SVOPL: variants seen among roughly 807,000 people sequenced by gnomAD.
SVOPL encodes SVOP like.
In SVOPL, 60 loss-of-function variants were observed where a neutral mutation model predicts 61.0. The observed-to-expected ratio is 0.98, with a 90% CI of 0.80 to 1.22. The LOEUF (loss-of-function observed/expected upper bound fraction) is 1.22, where lower values mean the gene tolerates loss of function less well. Among genes scored for constraint, SVOPL ranks in the 50% most tolerant of loss-of-function variants. The pLI is 0.00. For missense variants in SVOPL, 662 were observed against 643.9 expected, an observed-to-expected ratio of 1.03 and a Z score of -0.30; for synonymous variants, 279 against 250.0, an observed-to-expected ratio of 1.12 and a Z score of -1.09.
rs1359588799 is a variant in SVOPL, at chr7:138,659,730, T to G, written c.470+134A>C. 5 of 950,124 alleles carry G rather than the reference T, an allele frequency of 5.3e-6. No homozygotes were observed. In the East Asian group the frequency reaches 1.4e-4, roughly 26 times the overall value. 58.9% of individuals were successfully genotyped at this position (950,124 alleles called of 1,614,324 possible). A position where few individuals can be genotyped will look rare whatever the true frequency, so the allele number is the denominator to read the frequency against. ...TCCTTAACTTTGGCAAAAATAAACT[T>G]TCTAAATGGACTGAAACCTGTCTCA... On this transcript the variant is annotated intron_variant, in intron 6 of 15. Coordinates refer to ENST00000674285, the MANE Select transcript of SVOPL (RefSeq NM_001139456.2).
intron 4 of SVOPL, among the ~76,000 whole-genome samples, chr7:138,670,106 ACAGT>A (rs1563132145): frequency 2.6e-5 from 4 of 152,194 alleles, no homozygotes; most frequent in Admixed American, 6.5e-5. Flanking sequence ...AAAAATTATG[ACAGT>A]GAAAGAGATC....
chr7:138,691,581 C>A (rs1385554070), intron 1 of SVOPL, among the ~76,000 whole-genome samples: 1 of 152,162 alleles, frequency 6.6e-6, no homozygotes, highest in East Asian at 1.9e-4. Context: ...GCTCTTGTCA[C>A]CCAGGCTGGA....
intron 14 of SVOPL, among the ~76,000 whole-genome samples, chr7:138,608,697 C>A (rs566514761): frequency 1.3e-5 from 2 of 152,112 alleles, no homozygotes; most frequent in East Asian, 1.9e-4. Context: ...CACTCCCCCC[C>A]CTTGCCCTCT....
At chr7:138,626,432 A>C (rs952272887) in intron 12 of SVOPL, among the ~76,000 whole-genome samples, 2 of 152,088 alleles carry the variant, frequency 1.3e-5, no homozygotes, top group Non-Finnish European at 2.9e-5. Context: ...TGGCTCTGTT[A>C]CCCAGCCTTG....
intron 3 of SVOPL, among the ~76,000 whole-genome samples, chr7:138,675,155 C>A (rs1297642028): frequency 6.6e-6 from 1 of 151,480 alleles, no homozygotes; most frequent in Non-Finnish European, 1.5e-5. Flanking sequence ...AATCCCAGCA[C>A]TTTGGGAGGC....
At chr7:138,689,450 T>A in intron 1 of SVOPL, 1 of 1,117,066 alleles carries the variant, frequency 9.0e-7, no homozygotes, top group South Asian at 1.2e-5. Flanking sequence ...AACAGATTGT[T>A]CCTAAACCAG....
intron 7 of SVOPL, among the ~76,000 whole-genome samples, chr7:138,652,767 G>A (rs1338094908): frequency 1.3e-5 from 2 of 151,948 alleles, no homozygotes; most frequent in Non-Finnish European, 2.9e-5. Flanking sequence ...TGGGATTACA[G>A]GTGCACGCCA....
At chr7:138,637,441 TAG>T (rs1221364710) in intron 9 of SVOPL, among the ~76,000 whole-genome samples, 8,326 of 56,984 alleles carry the variant, frequency 0.15, 417 homozygotes, top group Non-Finnish European at 0.25. Flanking sequence ...TATATATATA[TAG>T]ATAGATAGAT....
At chr7:138,686,361 G>C (rs1192459352) in intron 1 of SVOPL, among the ~76,000 whole-genome samples, 1 of 145,662 alleles carries the variant, frequency 6.9e-6, no homozygotes, top group Non-Finnish European at 1.5e-5. Context: ...AGCCGAGATC[G>C]TGCCACTTCA....
At chr7:138,614,990 C>T (rs926356589) in intron 14 of SVOPL, among the ~76,000 whole-genome samples, 2 of 152,156 alleles carry the variant, frequency 1.3e-5, no homozygotes, top group African/African-American at 4.8e-5. Flanking sequence ...CACAGCCGCA[C>T]ACCGTGAGGC....
chr7:138,659,900 G>A lies in SVOPL; in HGVS notation c.434C>T (p.Thr145Met), dbSNP rs139868586. The A allele has an allele frequency of 2.6e-5, 41 of 1,551,468 alleles. No individual in the cohort carries two copies. The highest frequency in any genetic ancestry group is 2.1e-4 in the South Asian group (18 of 84,052). Residue 145 changes from threonine to methionine, a missense_variant, in exon 6 of 16, where the codon ACG (threonine) becomes ATG (methionine). Coordinates refer to ENST00000674285, the MANE Select transcript of SVOPL (RefSeq NM_001139456.2). ...GCCGGACACACCACAGCCCACCATC[G>A]TCCGCAGGAAGACAAACCAGATGTA... is the stretch of plus-strand genomic sequence containing the variant. ...PSYIWFVFLR[T>M]MVGCGVSGHS...
chr7:138,674,759 A>G (rs886589107), intron 3 of SVOPL, among the ~76,000 whole-genome samples: 1 of 151,778 alleles, frequency 6.6e-6, no homozygotes, highest in Non-Finnish European at 1.5e-5. Context: ...AGGAGGCTGA[A>G]GCAGGAGAAT....
intron 13 of SVOPL, 116 bp downstream of exon 13, chr7:138,625,853 G>T: frequency 1.9e-6 from 2 of 1,029,668 alleles, no homozygotes; most frequent in African/African-American, 1.6e-5. Context: ...TTAACAGATT[G>T]TTTTTAGAAA....
intron 14 of SVOPL, among the ~76,000 whole-genome samples, chr7:138,608,391 G>A (rs1001919213): frequency 6.6e-6 from 1 of 152,130 alleles, no homozygotes; most frequent in East Asian, 1.9e-4. Context: ...CTAAAATAGC[G>A]AGCTAGAAAT....
In SVOPL at chr7:138,620,129, T is replaced by TG. The variant is rs1340891168; in HGVS notation, c.1353+916_1353+917insC. Among the ~76,000 whole-genome samples, 4 of 144,880 alleles carry TG rather than the reference T, an allele frequency of 2.8e-5. 1 individual carries two copies. Among genetic ancestry groups the TG allele is most frequent in the African/African-American group, 7.6e-5 (3 of 39,312 alleles). ...TTTTGTTTTTTTTCTGTTTTGTTTT[T>TG]TTTTTTTTTTTGAGATAGAGTCTCA... On this transcript the variant is annotated intron_variant, in intron 14 of 15. Transcript: ENST00000674285.
chr7:138,642,831 CAAAAAAA>C (rs749603417), intron 9 of SVOPL, among the ~76,000 whole-genome samples: 2 of 26,922 alleles, frequency 7.4e-5, no homozygotes, highest in African/African-American at 1.5e-4. Flanking sequence ...CTCCTACCTC[CAAAAAAA>C]AAAAAAAAAA....
intron 3 of SVOPL, among the ~76,000 whole-genome samples, chr7:138,675,601 C>A (rs943215467): frequency 6.6e-6 from 1 of 152,074 alleles, no homozygotes; most frequent in Non-Finnish European, 1.5e-5. Flanking sequence ...GGTGATCTAC[C>A]CGCCTTGGCC....
At chr7:138,628,767 T>C (rs934188309) in intron 10 of SVOPL, among the ~76,000 whole-genome samples, 6 of 152,186 alleles carry the variant, frequency 3.9e-5, no homozygotes, top group African/African-American at 1.4e-4. Flanking sequence ...TGGTATCTTG[T>C]TGGGTTTTAA....
At chr7:138,696,277 T>C (rs1437776067) in intron 1 of SVOPL, among the ~76,000 whole-genome samples, 2 of 151,916 alleles carry the variant, frequency 1.3e-5, no homozygotes, top group African/African-American at 4.8e-5. Context: ...CAGGCTGGAG[T>C]GCAGTAGCAT....
Sources: gnomAD v4.1 joint callset for allele counts (sites outside exome capture counted in the v4.1 genomes callset) on GRCh38, gnomAD v4.1.1 for gene constraint, MANE v1.5 for transcripts, NCBI Gene and HGNC (gene_info 2026-07-23, HGNC 2026-07-21) for gene names.